The following DDHD1 variants were observed in gnomAD, a reference collection of about 807,000 sequenced individuals.
DDHD1 encodes DDHD domain containing 1.
Under a neutral mutation model 96.4 loss-of-function variants are expected in DDHD1, and 49 were observed. The observed-to-expected ratio is 0.51, with a 90% CI of 0.40 to 0.64. The LOEUF is 0.64. Among genes scored for constraint, DDHD1 ranks in the 30% least tolerant of loss-of-function variants. DDHD1 has a pLI of 0.00. For synonymous variants in DDHD1, 442 were observed against 446.5 expected (o/e 0.99, Z 0.13); for missense variants, 1,106 against 1,161.2 (o/e 0.95, Z 0.69).
chr14:53,051,054 G>T (rs1882510376), intron 12 of DDHD1, among the ~76,000 whole-genome samples: 1 of 137,340 alleles, frequency 7.3e-6, no homozygotes, highest in Non-Finnish European at 1.6e-5. Context: ...TAATGTAAGA[G>T]TTTTTTTTTT....
intron 1 of DDHD1, among the ~76,000 whole-genome samples, chr14:53,109,017 G>C (rs1021445938): frequency 6.6e-6 from 1 of 152,070 alleles, no homozygotes; most frequent in African/African-American, 2.4e-5. Context: ...TAGGGTTCTT[G>C]GGTTCTTAGT....
In DDHD1 at chr14:53,043,676, G is replaced by C. The variant is rs532264943; in HGVS notation, c.*3092C>G. ...CTCTTGGGCTCAAGTAATCTTCCCT[G>C]CTTGGCCTCCCAAAGTGCTGGGATT... is the stretch of plus-strand genomic sequence containing the variant. On this transcript the variant is annotated 3_prime_UTR_variant, in exon 13 of 13. Transcript: ENST00000673822. 3 of 152,154 alleles carry C rather than the reference G, an allele frequency of 2.0e-5. No homozygotes were observed. The highest frequency in any genetic ancestry group is 4.4e-5 in the Non-Finnish European group (3 of 68,034). The allele number at this position is 152,154 out of a possible 1,614,324, so 9.4% of individuals were successfully genotyped here.
chr14:53,080,800 T>C (rs1885408351), intron 4 of DDHD1, among the ~76,000 whole-genome samples: 1 of 150,756 alleles, frequency 6.6e-6, no homozygotes, highest in South Asian at 2.1e-4. Context: ...GGTGTGGTTA[T>C]AGGGCACTAC....
intron 4 of DDHD1, 30 bp from the exon 5 acceptor site, chr14:53,073,877 C>T: frequency 6.4e-7 from 1 of 1,573,166 alleles, no homozygotes; most frequent in South Asian, 1.1e-5. Context: ...AAAATGCAAA[C>T]AAAGCTTTAT....
chr14:53,146,027 T>C (rs918989494), intron 1 of DDHD1, among the ~76,000 whole-genome samples: 1 of 151,800 alleles, frequency 6.6e-6, no homozygotes, highest in African/African-American at 2.4e-5. Flanking sequence ...ACCAACATAG[T>C]GAAACCCTGT....
intron 1 of DDHD1, among the ~76,000 whole-genome samples, chr14:53,116,074 A>G (rs940197021): frequency 1.3e-5 from 2 of 152,256 alleles, no homozygotes; most frequent in Non-Finnish European, 2.9e-5. Flanking sequence ...AGGGGTTGCA[A>G]TCCTAATCTC....
intron 11 of DDHD1, chr14:53,053,515 G>A (rs1347315060): frequency 6.6e-6 from 1 of 152,000 alleles, no homozygotes; most frequent in African/African-American, 2.4e-5. Flanking sequence ...TCAGCCTCTA[G>A]GAGTGTCACA....
chr14:53,085,900 T>G (rs2139973398), intron 4 of DDHD1, among the ~76,000 whole-genome samples: 1 of 152,084 alleles, frequency 6.6e-6, no homozygotes, highest in East Asian at 1.9e-4. Flanking sequence ...CTAAAAACCT[T>G]GAAAAAAGAT....
At chr14:53,126,616 C>G (rs147619669) in intron 1 of DDHD1, among the ~76,000 whole-genome samples, 1 of 152,204 alleles carries the variant, frequency 6.6e-6, no homozygotes, top group Admixed American at 6.5e-5. Context: ...AATCCATCCA[C>G]CTTGGCCTCC....
chr14:53,149,177 T>C (rs1430739215), intron 1 of DDHD1, among the ~76,000 whole-genome samples: 1 of 152,250 alleles, frequency 6.6e-6, no homozygotes, highest in Admixed American at 6.5e-5. Context: ...TTTTATCTGC[T>C]AGTCAAGTTC....
chr14:53,108,218 G>A (rs1003409560), intron 1 of DDHD1, among the ~76,000 whole-genome samples: 3 of 152,144 alleles, frequency 2.0e-5, no homozygotes, highest in Non-Finnish European at 2.9e-5. Context: ...CTGATCCAGC[G>A]AGGCGCCCAC....
intron 6 of DDHD1, among the ~76,000 whole-genome samples, chr14:53,064,679 TTA>T (rs1409739470): frequency 6.6e-6 from 1 of 152,132 alleles, no homozygotes; most frequent in African/African-American, 2.4e-5. Flanking sequence ...GTTTTAATAA[TTA>T]TACACTTGAA....
chr14:53,082,442 C>G (rs949808127), intron 4 of DDHD1, among the ~76,000 whole-genome samples: 1 of 121,920 alleles, frequency 8.2e-6, no homozygotes, highest in South Asian at 2.6e-4. Flanking sequence ...TCCAAGATAC[C>G]TTTTTTTTTT....
intron 7 of DDHD1, among the ~76,000 whole-genome samples, chr14:53,062,035 C>CAAAA (rs779302322): frequency 2.6e-5 from 2 of 76,794 alleles, no homozygotes; most frequent in African/African-American, 9.5e-5. Context: ...ACTCCGTCTC[C>CAAAA]AAAAAAAAAA....
chr14:53,050,516 T>C (rs1882447200), intron 12 of DDHD1, among the ~76,000 whole-genome samples: 1 of 152,128 alleles, frequency 6.6e-6, no homozygotes. Flanking sequence ...TCCTTTATTG[T>C]ACCTATGTTT....
At position 53,039,117 on chromosome 14, in the gene DDHD1, A is replaced by C. The variant is rs1881467044; in HGVS notation, c.*7651T>G. ...GACCCACCTCAGAATAGTGTAAGCAAATAAAAGTACAACTGATCTGGAGGT... is the reference window on the plus strand; with the variant it reads ...GACCCACCTCAGAATAGTGTAAGCACATAAAAGTACAACTGATCTGGAGGT... On this transcript the variant is annotated 3_prime_UTR_variant, in exon 13 of 13. Coordinates refer to ENST00000673822, the MANE Select transcript of DDHD1 (RefSeq NM_001160148.2). 6.6e-6 allele frequency: 1 copy of C among 152,206 alleles called. No individual in the cohort carries two copies. Among genetic ancestry groups the C allele is most frequent in the Admixed American group, 6.5e-5 (1 of 15,278 alleles). 9.4% of individuals were successfully genotyped at this position (152,206 alleles called of 1,614,324 possible).
At chr14:53,072,962 T>C (rs555713615) in intron 5 of DDHD1, among the ~76,000 whole-genome samples, 1 of 152,116 alleles carries the variant, frequency 6.6e-6, no homozygotes, top group East Asian at 1.9e-4. Flanking sequence ...GCGTCACCCT[T>C]TTTTGTATGT....
At chr14:53,127,099 A>G (rs951850239) in intron 1 of DDHD1, among the ~76,000 whole-genome samples, 3 of 152,258 alleles carry the variant, frequency 2.0e-5, no homozygotes, top group Non-Finnish European at 4.4e-5. Context: ...TTAAAAAAGC[A>G]GAAGAAACAC....
At chr14:53,101,435 T>G (rs1464750226) in intron 2 of DDHD1, among the ~76,000 whole-genome samples, 1 of 152,108 alleles carries the variant, frequency 6.6e-6, no homozygotes, top group African/African-American at 2.4e-5. Context: ...TAACAGAACA[T>G]GCTGAATCTT....
Sources: allele counts gnomAD v4.1 joint callset (sites outside exome capture counted in the v4.1 genomes callset), GRCh38; gene constraint gnomAD v4.1.1; transcripts MANE v1.5; gene names NCBI Gene and HGNC (gene_info 2026-07-23, HGNC 2026-07-21).